Variants in TJP1 observed in about 807,000 individuals in gnomAD.
The protein encoded by TJP1 is tight junction protein ZO-1.
In TJP1, 43 loss-of-function variants were observed where a neutral mutation model predicts 194.2. That is an observed-to-expected ratio of 0.22 (90% confidence interval 0.17 to 0.29). The LOEUF (loss-of-function observed/expected upper bound fraction) is 0.29. Among genes scored for constraint, TJP1 ranks in the 10% least tolerant of loss-of-function variants. TJP1 has a pLI of 1.00. For missense variants in TJP1, 1,971 were observed against 2,185.7 expected (o/e 0.90, Z 1.96); for synonymous variants, 801 against 779.0 (o/e 1.03, Z -0.47).
At chr15:29,737,118 A>G in intron 11 of TJP1, 146 bp downstream of exon 11, 1 of 918,092 alleles carries the variant, frequency 1.1e-6, no homozygotes, top group Non-Finnish European at 1.6e-6. Flanking sequence ...GGTAGACCTG[A>G]TGGATTTTGA....
chr15:29,908,669 C>T (rs942664352), intron 2 of TJP1, among the ~76,000 whole-genome samples: 10 of 149,356 alleles, frequency 6.7e-5, no homozygotes, highest in South Asian at 4.3e-4. Context: ...CCCTTTGATA[C>T]GACCTGAGAT....
intron 2 of TJP1, among the ~76,000 whole-genome samples, chr15:29,865,821 A>T (rs2052282608): frequency 6.6e-6 from 1 of 152,184 alleles, no homozygotes; most frequent in Admixed American, 6.5e-5. Flanking sequence ...TGGAAAAGTG[A>T]GGGGTGAGTT....
chr15:29,831,862 C>T (rs1033171437), intron 2 of TJP1, among the ~76,000 whole-genome samples: 3 of 152,072 alleles, frequency 2.0e-5, no homozygotes, highest in African/African-American at 4.8e-5. Context: ...GCAGCAAATG[C>T]GGCAAAATAT....
At chr15:29,899,232 C>A (rs1254406434) in intron 2 of TJP1, among the ~76,000 whole-genome samples, 2 of 152,158 alleles carry the variant, frequency 1.3e-5, no homozygotes, top group African/African-American at 4.8e-5. Context: ...TAAAAGTGGA[C>A]CCCCACTAGC....
At chr15:29,732,898 T>C in intron 13 of TJP1, 83 bp from the exon 14 acceptor site, 1 of 1,351,152 alleles carries the variant, frequency 7.4e-7, no homozygotes, top group Non-Finnish European at 1.0e-6. Context: ...AAATATACAA[T>C]ACTGGATGGA....
intron 2 of TJP1, among the ~76,000 whole-genome samples, chr15:29,949,728 T>C (rs992258058): frequency 0.054 from 493 of 9,070 alleles, no homozygotes; most frequent in Non-Finnish European, 0.063. Context: ...TCCACCGCCA[T>C]CACCTCCACC....
At chr15:29,881,359 T>C (rs1401465785) in intron 2 of TJP1, among the ~76,000 whole-genome samples, 1 of 152,234 alleles carries the variant, frequency 6.6e-6, no homozygotes, top group Non-Finnish European at 1.5e-5. Flanking sequence ...GCTTATCAGA[T>C]ACACGGTTCA....
chr15:29,765,129 T>A (rs183312561), intron 5 of TJP1, among the ~76,000 whole-genome samples: 144 of 152,150 alleles, frequency 9.5e-4, no homozygotes, highest in African/African-American at 3.4e-3. Context: ...TGGTTAACCA[T>A]GTGAAATGAT....
chr15:29,815,463 A>G (rs1167697543), intron 1 of TJP1, among the ~76,000 whole-genome samples: 1 of 152,262 alleles, frequency 6.6e-6, no homozygotes, highest in Non-Finnish European at 1.5e-5. Context: ...TTTTTATTTA[A>G]CATATCAAAA....
chr15:29,720,033 A>G lies in TJP1; in HGVS notation c.2764-17T>C, dbSNP rs751804458. 1.3e-6 allele frequency: 2 copies of G among 1,574,996 alleles called. No individual in the cohort carries two copies. Among genetic ancestry groups the G allele is most frequent in the Non-Finnish European group, 1.7e-6 (2 of 1,165,082 alleles). On this transcript the variant is annotated splice_polypyrimidine_tract_variant and intron_variant, in intron 19 of 27. Transcript: ENST00000614355. ...TTCTGCTTTCTGTGAAGTGTTTAAA[A>G]TATTTTAAATATAGTGTTTCTGTTT...
intron 2 of TJP1, among the ~76,000 whole-genome samples, chr15:29,881,668 C>T (rs2052935113): frequency 6.6e-6 from 1 of 152,068 alleles, no homozygotes. Flanking sequence ...CAGCAGATTC[C>T]AATTTGAACC....
At chr15:29,881,367 T>C (rs941492077) in intron 2 of TJP1, among the ~76,000 whole-genome samples, 7 of 152,192 alleles carry the variant, frequency 4.6e-5, no homozygotes, top group African/African-American at 1.7e-4. Flanking sequence ...GATACACGGT[T>C]CACAAATATA....
intron 1 of TJP1, among the ~76,000 whole-genome samples, chr15:29,817,034 G>C (rs2049974603): frequency 6.6e-6 from 1 of 152,162 alleles, no homozygotes; most frequent in Admixed American, 6.5e-5. Flanking sequence ...TACAGAATGG[G>C]AGAAAAACTT....
chr15:29,959,050 C>T (rs12442809), intron 1 of TJP1, among the ~76,000 whole-genome samples: 29,175 of 150,678 alleles, frequency 0.19, 3,294 homozygotes, highest in East Asian at 0.48. Flanking sequence ...AGTGCAGCGG[C>T]GCGATCTCAC....
intron 2 of TJP1, among the ~76,000 whole-genome samples, chr15:29,908,211 C>T (rs553196825): frequency 1.3e-5 from 2 of 152,020 alleles, no homozygotes; most frequent in African/African-American, 4.8e-5. Flanking sequence ...TCAGCAAGTA[C>T]CCATCACAAC....
At chr15:29,803,173 T>A (rs1196036001) in intron 1 of TJP1, among the ~76,000 whole-genome samples, 1 of 152,176 alleles carries the variant, frequency 6.6e-6, no homozygotes, top group African/African-American at 2.4e-5. Flanking sequence ...TCTTCCTGCT[T>A]TCCTTTCTCC....
rs80302619 is a variant in TJP1, at chr15:29,948,177, G to A, written c.306+8055C>T. On this transcript the variant is annotated intron_variant, in intron 2 of 28. Transcript: ENST00000356107. The stretch of plus-strand genomic sequence containing the variant: ...TCACTCCTGCTGAGGCAGGAGAATC[G>A]CTTGAACCCAGCAGGCGGAGGTTGC... Among the ~76,000 whole-genome samples, 53 of 151,058 alleles carry A rather than the reference G, an allele frequency of 3.5e-4. No homozygotes were observed. The East Asian group carries it at 0.01, about 29-fold the overall frequency.
chr15:29,918,124 T>C lies in TJP1; in HGVS notation c.306+38108A>G, dbSNP rs143241790. On this transcript the variant is annotated intron_variant, in intron 2 of 28. Coordinates refer to the TJP1 transcript ENST00000356107. ...ACTCACTTCACGCAGCATAATGTCC[T>C]CAAGGTCCATCCATGTTGTAGCATG... Among the ~76,000 whole-genome samples the C allele has an allele frequency of 4.8e-3, 729 of 152,356 alleles. 20 individuals are homozygous for C. The highest frequency in any genetic ancestry group is 0.042 in the Admixed American group (650 of 15,312).
chr15:29,733,041 A>G, intron 13 of TJP1, 53 bp downstream of exon 13: 1 of 1,564,430 alleles, frequency 6.4e-7, no homozygotes, highest in Non-Finnish European at 8.8e-7. Flanking sequence ...GATTGAAATG[A>G]TCTATCATCA....
Sources: gnomAD v4.1 joint callset for allele counts (sites outside exome capture counted in the v4.1 genomes callset) on GRCh38, gnomAD v4.1.1 for gene constraint, MANE v1.5 for transcripts, NCBI Gene and HGNC (gene_info 2026-07-23, HGNC 2026-07-21) for gene names.